ITGA9: variants seen among roughly 807,000 people sequenced by gnomAD.
ITGA9 encodes the protein integrin alpha-9.
ITGA9 carries 56 observed loss-of-function variants against 127.8 expected under a neutral mutation model. The ratio of observed to expected loss-of-function variants is 0.44; its 90% CI spans 0.35 to 0.55. The LOEUF (loss-of-function observed/expected upper bound fraction) is 0.55. ITGA9 is among the 20% of genes least tolerant of loss of function. The pLI is 0.00. For missense variants in ITGA9, 1,196 were observed against 1,347.1 expected, an observed-to-expected ratio of 0.89 and a Z score of 1.76; for synonymous variants, 508 against 514.5, an observed-to-expected ratio of 0.99 and a Z score of 0.17.
At chr3:37,669,934 A>G (rs972591895) in intron 17 of ITGA9, among the ~76,000 whole-genome samples, 1 of 152,160 alleles carries the variant, frequency 6.6e-6, no homozygotes, top group Non-Finnish European at 1.5e-5. Flanking sequence ...TACAGTCCTT[A>G]CTGCATAAGG....
intron 5 of ITGA9, among the ~76,000 whole-genome samples, chr3:37,498,485 A>G (rs971628779): frequency 6.6e-6 from 1 of 152,130 alleles, no homozygotes. Flanking sequence ...GGTAGGAGGA[A>G]CCGGCGGGGC....
rs765008092 is a variant in ITGA9, at chr3:37,744,064, G to A, written c.2433+30G>A. ...CCACTCCTGGAGACCTCCTCTGTCCGTGGGGGCTAACGGAAGGGCACATGG... is the reference window on the plus strand; with the variant it reads ...CCACTCCTGGAGACCTCCTCTGTCCATGGGGGCTAACGGAAGGGCACATGG... On this transcript the variant is annotated intron_variant, in intron 22 of 27. Transcript: ENST00000264741. 1.0e-4 allele frequency: 151 copies of A among 1,444,368 alleles called. No homozygotes were observed. In the Admixed American group the frequency reaches 1.7e-3, roughly 16 times the overall value. The allele number at this position is 1,444,368 out of a possible 1,614,324, so 89.5% of individuals were successfully genotyped here.
Position 37,498,158 on chromosome 3 carries a change from A to G in ITGA9, c.612+3590A>G, listed in dbSNP as rs151307115. Among the ~76,000 whole-genome samples, 18 of 152,330 alleles carry G rather than the reference A, an allele frequency of 1.2e-4. No individual in the cohort carries two copies. In the East Asian group the frequency reaches 2.5e-3, roughly 21 times the overall value. ...AACCCATTGGGAGATATAAACTGCCAAGTCTGCTTTCAGACACAGGGAGTG... is the reference window on the plus strand; with the variant it reads ...AACCCATTGGGAGATATAAACTGCCGAGTCTGCTTTCAGACACAGGGAGTG... On this transcript the variant is annotated intron_variant, in intron 5 of 27. Coordinates refer to ENST00000264741, the MANE Select transcript of ITGA9 (RefSeq NM_002207.3).
At chr3:37,529,241 A>G (rs1699125117) in intron 13 of ITGA9, among the ~76,000 whole-genome samples, 2 of 152,218 alleles carry the variant, frequency 1.3e-5, no homozygotes, top group Admixed American at 6.5e-5. Flanking sequence ...GAGACCAAGG[A>G]CATGCAGATC....
intron 24 of ITGA9, among the ~76,000 whole-genome samples, chr3:37,777,996 C>A (rs1029067530): frequency 6.6e-6 from 1 of 152,128 alleles, no homozygotes; most frequent in Non-Finnish European, 1.5e-5. Flanking sequence ...AGATATCCAT[C>A]AATAGGAGAA....
intron 23 of ITGA9, among the ~76,000 whole-genome samples, chr3:37,755,343 C>T (rs1385290917): frequency 6.6e-6 from 1 of 152,174 alleles, no homozygotes; most frequent in Non-Finnish European, 1.5e-5. Context: ...GAGGCAGGCT[C>T]AGTCAATAGG....
chr3:37,469,986 AG>A, intron 1 of ITGA9, among the ~76,000 whole-genome samples: 1 of 152,142 alleles, frequency 6.6e-6, no homozygotes, highest in South Asian at 2.1e-4. Context: ...TAGTAGAGAC[AG>A]GGTTTCACCA....
chr3:37,497,268 T>G (rs1205319219), intron 5 of ITGA9, among the ~76,000 whole-genome samples: 3 of 152,198 alleles, frequency 2.0e-5, no homozygotes, highest in African/African-American at 7.2e-5. Flanking sequence ...TGTTTTAAGT[T>G]TGCCTATGAT....
At chr3:37,541,773 T>A (rs1303965722) in intron 14 of ITGA9, among the ~76,000 whole-genome samples, 2 of 152,212 alleles carry the variant, frequency 1.3e-5, no homozygotes, top group African/African-American at 2.4e-5. Flanking sequence ...TCATCTGGGT[T>A]CCTGTGCATG....
chr3:37,698,291 G>A (rs1046917955), intron 18 of ITGA9, among the ~76,000 whole-genome samples: 1 of 152,156 alleles, frequency 6.6e-6, no homozygotes, highest in African/African-American at 2.4e-5. Context: ...TAGGTTGCCT[G>A]TTCACTCTGA....
rs941512229 is a variant in ITGA9, at chr3:37,822,849, A to T, written c.*3860A>T. On this transcript the variant is annotated 3_prime_UTR_variant, in exon 28 of 28. Transcript: ENST00000264741. ...GCAGTTATGTCTGGGTTACGTGTGA[A>T]ACGTACATCTGGTGAACTGTATACT... 2.0e-5 allele frequency: 3 copies of T among 152,234 alleles called. No homozygotes were observed. Among genetic ancestry groups the T allele is most frequent in the Non-Finnish European group, 4.4e-5 (3 of 68,040 alleles). 9.4% of individuals were successfully genotyped at this position (152,234 alleles called of 1,614,324 possible). A position where few individuals can be genotyped will look rare whatever the true frequency, so the allele number is the denominator to read the frequency against.
chr3:37,711,948 G>C (rs1371104101), intron 18 of ITGA9, among the ~76,000 whole-genome samples: 1 of 152,180 alleles, frequency 6.6e-6, no homozygotes, highest in African/African-American at 2.4e-5. Flanking sequence ...TGCAAATACA[G>C]ATGAGCCCAA....
chr3:37,793,409 C>CAG lies in ITGA9; in HGVS notation c.2889+8332_2889+8333insGA, dbSNP rs1697136349. Among the ~76,000 whole-genome samples, 3 of 151,376 alleles carry CAG rather than the reference C, an allele frequency of 2.0e-5. No homozygotes were observed. In the South Asian group the frequency reaches 6.3e-4, roughly 32 times the overall value. On this transcript the variant is annotated intron_variant, in intron 26 of 27. Coordinates refer to ENST00000264741, the MANE Select transcript of ITGA9 (RefSeq NM_002207.3). ...AGGTCAACACACACACACACACACACACACACACACACACACACACACACA... is the reference window on the plus strand; with the variant it reads ...AGGTCAACACACACACACACACACACAGACACACACACACACACACACACACA...
chr3:37,508,467 A>T, intron 7 of ITGA9, 92 bp from the exon 8 acceptor site: 2 of 1,026,526 alleles, frequency 1.9e-6, no homozygotes, highest in Non-Finnish European at 3.0e-6. Flanking sequence ...CCTGGCTCTT[A>T]AGCTTTTAAA....
intron 16 of ITGA9, among the ~76,000 whole-genome samples, chr3:37,632,848 A>G (rs1307531046): frequency 1.3e-5 from 2 of 152,238 alleles, no homozygotes; most frequent in Non-Finnish European, 2.9e-5. Flanking sequence ...CTGAGGGAAA[A>G]TGATTTTGAA....
At chr3:37,521,042 G>A (rs1024296828) in intron 11 of ITGA9, among the ~76,000 whole-genome samples, 3 of 152,156 alleles carry the variant, frequency 2.0e-5, no homozygotes, top group Non-Finnish European at 1.5e-5. Context: ...AGCAGGGATA[G>A]CATCTGGACC....
chr3:37,508,493 A>G (rs763435414), intron 7 of ITGA9, 66 bp from the exon 8 acceptor site: 12 of 1,308,366 alleles, frequency 9.2e-6, no homozygotes, highest in Non-Finnish European at 1.2e-5. Flanking sequence ...CTCCCAGGAG[A>G]GTGCTGATAA....
intron 2 of ITGA9, among the ~76,000 whole-genome samples, chr3:37,473,008 G>A (rs974325498): frequency 1.1e-4 from 16 of 151,352 alleles, no homozygotes; most frequent in Non-Finnish European, 1.9e-4. Flanking sequence ...ATGTGGTGGC[G>A]CACACCTGTA....
At chr3:37,734,278 T>G (rs1163137803) in intron 19 of ITGA9, among the ~76,000 whole-genome samples, 3 of 152,214 alleles carry the variant, frequency 2.0e-5, no homozygotes, top group Non-Finnish European at 2.9e-5. Flanking sequence ...AGGGTGGAGA[T>G]AAAGGAGGAC....
Sources: allele counts gnomAD v4.1 joint callset (sites outside exome capture counted in the v4.1 genomes callset), GRCh38; gene constraint gnomAD v4.1.1; transcripts MANE v1.5; gene names NCBI Gene and HGNC (gene_info 2026-07-23, HGNC 2026-07-21).